The following ARHGAP24 variants were observed in gnomAD, a reference collection of about 807,000 sequenced individuals.
ARHGAP24 encodes rho GTPase-activating protein 24.
A neutral mutation model predicts 76.4 loss-of-function variants in ARHGAP24; 50 were observed. That is an observed-to-expected ratio of 0.65 (90% CI 0.52 to 0.83). The LOEUF is 0.83. ARHGAP24 is among the 40% of genes least tolerant of loss of function. The pLI is 0.00. For missense variants in ARHGAP24, 930 were observed against 914.2 expected (o/e 1.02, Z -0.22); for synonymous variants, 345 against 323.3 (o/e 1.07, Z -0.72).
At chr4:85,581,615 C>T (rs937466104) in intron 2 of ARHGAP24, among the ~76,000 whole-genome samples, 7 of 152,104 alleles carry the variant, frequency 4.6e-5, no homozygotes, top group African/African-American at 1.7e-4. Context: ...TCTAACTTAA[C>T]TGTGTTTTTT....
At chr4:85,706,382 T>C (rs756538907) in intron 2 of ARHGAP24, among the ~76,000 whole-genome samples, 3 of 152,138 alleles carry the variant, frequency 2.0e-5, no homozygotes, top group Admixed American at 1.3e-4. Context: ...AATTTCATCT[T>C]GCTTACTAAA....
intron 1 of ARHGAP24, among the ~76,000 whole-genome samples, chr4:85,498,380 C>G (rs913198396): frequency 1.3e-5 from 2 of 152,166 alleles, no homozygotes. Context: ...AGAAAGCAGA[C>G]TGAATAGTTG....
chr4:85,608,587 C>T (rs1255931320), intron 2 of ARHGAP24, among the ~76,000 whole-genome samples: 1 of 106,466 alleles, frequency 9.4e-6, no homozygotes, highest in Admixed American at 1.5e-4. Context: ...GAGACAGAGA[C>T]TTGCTCTGTC....
At chr4:85,642,267 A>G (rs578072653) in intron 2 of ARHGAP24, among the ~76,000 whole-genome samples, 14 of 152,296 alleles carry the variant, frequency 9.2e-5, no homozygotes, top group African/African-American at 3.1e-4. Flanking sequence ...AAATGCCTCA[A>G]CATCATAACA....
At position 85,706,189 on chromosome 4, in the gene ARHGAP24, T is replaced by G. The variant is rs74785912; in HGVS notation, c.181-15696T>G. Among the ~76,000 whole-genome samples the G allele has an allele frequency of 3.4e-3, 524 of 152,336 alleles. 1 individual carries two copies. The highest frequency in any genetic ancestry group is 0.012 in the African/African-American group (508 of 41,574). Reference sequence around the variant, plus strand: ...TAACTTTAAACTACTTTATGTGATGTGTAGATGTAAAATTGTTAGAGAAAT... The same window carrying G: ...TAACTTTAAACTACTTTATGTGATGGGTAGATGTAAAATTGTTAGAGAAAT... On this transcript the variant is annotated intron_variant, in intron 2 of 9. Transcript: ENST00000395184.
At chr4:85,865,117 C>G (rs1732121508) in intron 3 of ARHGAP24, among the ~76,000 whole-genome samples, 2 of 152,016 alleles carry the variant, frequency 1.3e-5, no homozygotes, top group Admixed American at 6.6e-5. Context: ...TTTGCTGGTT[C>G]CTCTTGGAGA....
At chr4:85,717,444 A>G (rs761316437) in intron 2 of ARHGAP24, among the ~76,000 whole-genome samples, 7 of 152,136 alleles carry the variant, frequency 4.6e-5, no homozygotes, top group Non-Finnish European at 8.8e-5. Context: ...GCTTTGCGCA[A>G]GAACCTACCC....
chr4:85,521,411 A>G (rs1048270496), intron 1 of ARHGAP24, among the ~76,000 whole-genome samples: 2 of 152,138 alleles, frequency 1.3e-5, no homozygotes, highest in Non-Finnish European at 2.9e-5. Flanking sequence ...TTGAAAAAGT[A>G]ATATATATAT....
intron 2 of ARHGAP24, among the ~76,000 whole-genome samples, chr4:85,712,169 A>G (rs562638787): frequency 6.6e-6 from 1 of 152,266 alleles, no homozygotes. Context: ...CTTGCCACAG[A>G]TACTCTGCCT....
At chr4:85,887,242 A>G (rs796106568) in intron 3 of ARHGAP24, among the ~76,000 whole-genome samples, 11 of 152,280 alleles carry the variant, frequency 7.2e-5, no homozygotes, top group African/African-American at 2.2e-4. Flanking sequence ...CATAATTTTA[A>G]AAGGAATCCT....
intron 2 of ARHGAP24, among the ~76,000 whole-genome samples, chr4:85,640,827 C>A (rs1721493354): frequency 6.6e-6 from 1 of 151,992 alleles, no homozygotes; most frequent in South Asian, 2.1e-4. Context: ...TTGGCACAAA[C>A]AAAGGCCATA....
chr4:85,525,553 A>T (rs1470014020), intron 1 of ARHGAP24, among the ~76,000 whole-genome samples: 2 of 152,116 alleles, frequency 1.3e-5, no homozygotes, highest in African/African-American at 4.8e-5. Flanking sequence ...TCTTCAGATC[A>T]TCATGCTATT....
chr4:85,534,307 G>A (rs898075439), intron 1 of ARHGAP24, among the ~76,000 whole-genome samples: 3 of 152,092 alleles, frequency 2.0e-5, no homozygotes, highest in Admixed American at 6.6e-5. Flanking sequence ...TGATCCTCCC[G>A]TTTCCTGCAA....
At chr4:85,590,722 C>T (rs1295706585) in intron 2 of ARHGAP24, among the ~76,000 whole-genome samples, 1 of 152,026 alleles carries the variant, frequency 6.6e-6, no homozygotes, top group East Asian at 1.9e-4. Flanking sequence ...CCGTGGTTTT[C>T]CTCCAAAAGA....
intron 1 of ARHGAP24, among the ~76,000 whole-genome samples, chr4:85,517,253 C>T (rs1199748955): frequency 6.6e-6 from 1 of 152,104 alleles, no homozygotes; most frequent in Non-Finnish European, 1.5e-5. Flanking sequence ...CATTTTTTCA[C>T]CTATCCCTTA....
At chr4:85,660,809 A>AAAAAAAAAAAAAAAAAAAAAC (rs1722354182) in intron 2 of ARHGAP24, among the ~76,000 whole-genome samples, 1 of 150,458 alleles carries the variant, frequency 6.6e-6, no homozygotes, top group Non-Finnish European at 1.5e-5. Context: ...AAAAAAAAAA[A>AAAAAAAAAAAAAAAAAAAAAC]AAAAAAAATC....
chr4:85,518,654 A>G (rs529713431), intron 1 of ARHGAP24, among the ~76,000 whole-genome samples: 4 of 152,262 alleles, frequency 2.6e-5, no homozygotes, highest in African/African-American at 9.6e-5. Flanking sequence ...ACCTAGAATA[A>G]TAGTCACCAA....
chr4:85,599,247 A>G (rs528186941), intron 2 of ARHGAP24, among the ~76,000 whole-genome samples: 13 of 152,240 alleles, frequency 8.5e-5, no homozygotes, highest in African/African-American at 2.6e-4. Context: ...AAACATATGA[A>G]AGGCTGACAC....
At position 86,001,263 on chromosome 4, in the gene ARHGAP24, G is replaced by A; in HGVS notation, c.*541G>A. On this transcript the variant is annotated 3_prime_UTR_variant, in exon 10 of 10. Transcript: ENST00000395184. ...TGTTTGTGCCAATAGACTTTGTCAT[G>A]ACCAAAAAGAGAAATGTAAATAGTT... is the stretch of plus-strand genomic sequence containing the variant. The A allele has an allele frequency of 2.5e-6, 1 of 398,924 alleles. No individual in the cohort carries two copies. Among genetic ancestry groups the A allele is most frequent in the Non-Finnish European group, 4.4e-6 (1 of 226,086 alleles). The allele number at this position is 398,924 out of a possible 1,614,324, so 24.7% of individuals were successfully genotyped here.
Sources: allele counts gnomAD v4.1 joint callset (sites outside exome capture counted in the v4.1 genomes callset), GRCh38; gene constraint gnomAD v4.1.1; transcripts MANE v1.5; gene names NCBI Gene and HGNC (gene_info 2026-07-23, HGNC 2026-07-21).